Variants in CSK observed in about 807,000 individuals in gnomAD.
CSK encodes C-terminal Src kinase, also known as tyrosine-protein kinase CSK.
A neutral mutation model predicts 62.3 loss-of-function variants in CSK; 7 were observed. That is an observed-to-expected ratio of 0.11 (90% CI 0.06 to 0.21). The LOEUF (loss-of-function observed/expected upper bound fraction) is 0.21. Ranked by LOEUF, CSK falls within the 10% of genes least tolerant of loss-of-function variation. The probability of loss-of-function intolerance (pLI) is 1.00; values close to 1 mark genes in which losing one functional copy is unlikely to be tolerated. For synonymous variants in CSK, 237 were observed against 246.0 expected, an observed-to-expected ratio of 0.96 and a Z score of 0.34; for missense variants, 294 against 613.5, an observed-to-expected ratio of 0.48 and a Z score of 5.50.
Position 74,798,513 on chromosome 15 carries a change from G to T in CSK, c.16-102G>T. ...TTCTCCGGGCAGAGCACCTCACCCA[G>T]GCTCACAGAGGCCAGCTCAGAGGCT... On this transcript the variant is annotated intron_variant, in intron 2 of 12. Coordinates refer to ENST00000220003, the MANE Select transcript of CSK (RefSeq NM_004383.3). This position sits in a 1 kb window ranked among gnomAD's most constrained non-coding sequence, Gnocchi z 6.6. 1 of 1,278,238 alleles carries T rather than the reference G, an allele frequency of 7.8e-7. No homozygotes were observed. Among genetic ancestry groups the T allele is most frequent in the South Asian group, 1.3e-5 (1 of 79,654 alleles). 79.2% of individuals were successfully genotyped at this position (1,278,238 alleles called of 1,614,324 possible).
chr15:74,800,839 T>A lies in CSK; in HGVS notation c.639T>A (p.Asp213Glu), dbSNP rs775362844. The A allele has an allele frequency of 6.2e-7, 1 of 1,613,144 alleles. No individual in the cohort carries two copies. The highest frequency in any genetic ancestry group is 8.5e-7 in the Non-Finnish European group (1 of 1,179,792). ...KGEFGDVMLG[D>E]YRGNKVAVKC... ...TGCCCCCAGACGTGATGCTGGGCGA[T>A]TACCGAGGGAACAAAGTCGCCGTCA... The change falls in exon 8 of 13, where the codon GAT (aspartate) becomes GAA (glutamate). Residue 213 changes from aspartate to glutamate, a missense_variant. Transcript: ENST00000220003.
rs1232728038 is a variant in CSK, at chr15:74,786,000, C to CTTTTTTTTTTTTTTTTTTTTTT, written c.-66+3281_-66+3282insTTTTTTTTTTTTTTTTTTTTTT. 6.0e-4 allele frequency among the ~76,000 whole-genome samples: 36 copies of CTTTTTTTTTTTTTTTTTTTTTT among 59,936 alleles called. 10 individuals are homozygous for CTTTTTTTTTTTTTTTTTTTTTT. Among genetic ancestry groups the CTTTTTTTTTTTTTTTTTTTTTT allele is most frequent in the Non-Finnish European group, 9.1e-4 (25 of 27,464 alleles). The allele number at this position is 59,936 out of a possible 152,430, so 39.3% of individuals were successfully genotyped here. On this transcript the variant is annotated intron_variant, in intron 1 of 12. Coordinates refer to ENST00000220003, the MANE Select transcript of CSK (RefSeq NM_004383.3). ...CAAGGCCTCTTCTCTCTCTCTCTCT[C>CTTTTTTTTTTTTTTTTTTTTTT]TCTTTTTTTTTTTTGTGTGTGTGTG...
chr15:74,783,302 G>C (rs1359841482), intron 1 of CSK, among the ~76,000 whole-genome samples: 1 of 152,240 alleles, frequency 6.6e-6, no homozygotes, highest in African/African-American at 2.4e-5. Flanking sequence ...CTTCTGCCCG[G>C]GGGGAGGTAA....
chr15:74,788,194 C>T (rs1024411476), intron 1 of CSK, among the ~76,000 whole-genome samples: 3 of 152,166 alleles, frequency 2.0e-5, no homozygotes, highest in Admixed American at 6.5e-5. Context: ...TCTGTGTGTC[C>T]CTCGACAGGC....
chr15:74,783,792 C>A (rs1470949044), intron 1 of CSK, among the ~76,000 whole-genome samples: 1 of 152,188 alleles, frequency 6.6e-6, no homozygotes, highest in East Asian at 1.9e-4. Context: ...CCGGTCCTGG[C>A]CCCGGCTCTG....
chr15:74,798,624 C>T lies in CSK; in HGVS notation c.25C>T (p.Pro9Ser), dbSNP rs779667521. ...GTCACCTGCCTTGCAGGCCGCCTGG[C>T]CATCCGGTACAGAATGTATTGCCAA... MSAIQAAW[P>S]SGTECIAKYN... is the part of the protein sequence containing the mutation. The change falls in exon 3 of 13, where the codon CCA becomes TCA. Residue 9 changes from proline (P) to serine (S), a missense_variant. Transcript: ENST00000220003. The surrounding 1 kb of genome is among the most constrained non-coding windows in gnomAD (Gnocchi z 6.6). 6 of 1,613,312 alleles carry T rather than the reference C, an allele frequency of 3.7e-6. No individual in the cohort carries two copies. The highest frequency in any genetic ancestry group is 5.1e-6 in the Non-Finnish European group (6 of 1,179,990).
chr15:74,786,010 T>TG lies in CSK; in HGVS notation c.-66+3290_-66+3291insG. On this transcript the variant is annotated intron_variant, in intron 1 of 12. Coordinates refer to ENST00000220003, the MANE Select transcript of CSK (RefSeq NM_004383.3). ...TCTCTCTCTCTCTCTCTCTTTTTTT[T>TG]TTTTGTGTGTGTGTGTGTGTGTGTG... is the stretch of plus-strand genomic sequence containing the variant. Among the ~76,000 whole-genome samples the TG allele has an allele frequency of 4.2e-5, 5 of 120,324 alleles. 1 individual carries two copies. The highest frequency in any genetic ancestry group is 9.0e-5 in the Non-Finnish European group (5 of 55,404). The allele number at this position is 120,324 out of a possible 152,430, so 78.9% of individuals were successfully genotyped here.
intron 1 of CSK, among the ~76,000 whole-genome samples, chr15:74,783,613 A>C (rs971187905): frequency 6.6e-6 from 1 of 152,200 alleles, no homozygotes; most frequent in South Asian, 2.1e-4. Context: ...CACTGGGGAC[A>C]CAGGCCCCCA....
chr15:74,800,604 C>G (rs1210609737), intron 6 of CSK, 77 bp from the exon 7 acceptor site: 3 of 1,543,444 alleles, frequency 1.9e-6, no homozygotes, highest in Non-Finnish European at 1.8e-6. Context: ...ACCCCAGTGC[C>G]TGATAGTCCA....
intron 12 of CSK, 43 bp downstream of exon 12, chr15:74,802,126 G>A (rs1356088051): frequency 1.9e-6 from 3 of 1,595,000 alleles, no homozygotes; most frequent in Non-Finnish European, 2.6e-6. Context: ...TGGAGCACCG[G>A]AGGGGTTGGC....
chr15:74,783,784 G>A (rs1301674730), intron 1 of CSK, among the ~76,000 whole-genome samples: 3 of 152,188 alleles, frequency 2.0e-5, no homozygotes, highest in Non-Finnish European at 2.9e-5. Flanking sequence ...AGGAAGGTCC[G>A]GTCCTGGCCC....
intron 1 of CSK, among the ~76,000 whole-genome samples, chr15:74,783,573 G>A (rs1238091738): frequency 6.6e-6 from 1 of 152,228 alleles, no homozygotes; most frequent in African/African-American, 2.4e-5. Context: ...ATGGCTGTGG[G>A]TGGAAGGAAA....
chr15:74,787,287 G>A (rs1383531950), intron 1 of CSK, among the ~76,000 whole-genome samples: 1 of 152,234 alleles, frequency 6.6e-6, no homozygotes, highest in Non-Finnish European at 1.5e-5. Context: ...GGAGAAGTGA[G>A]CAGGGAGAGG....
chr15:74,794,550 T>C (rs376242738), intron 1 of CSK, among the ~76,000 whole-genome samples: 3 of 152,220 alleles, frequency 2.0e-5, no homozygotes, highest in Admixed American at 6.5e-5. Context: ...GAAAGGGCCC[T>C]GTATTCTGGG....
At position 74,798,604 on chromosome 15, in the gene CSK, C is replaced by CTGCCT. The variant is rs748909623; in HGVS notation, c.16-7_16-3dup. ...CAGGCTGCACCCGCCCACGTGTCAC[C>CTGCCT]TGCCTTGCAGGCCGCCTGGCCATCC... On this transcript the variant is annotated splice_polypyrimidine_tract_variant and intron_variant, in intron 2 of 12. Transcript: ENST00000220003. The surrounding 1 kb of genome is among the most constrained non-coding windows in gnomAD (Gnocchi z 6.6). 1 of 1,612,220 alleles carries CTGCCT rather than the reference C, an allele frequency of 6.2e-7. No homozygotes were observed. The highest frequency in any genetic ancestry group is 1.1e-5 in the South Asian group (1 of 90,984).
intron 1 of CSK, among the ~76,000 whole-genome samples, chr15:74,791,163 C>T (rs923329349): frequency 4.0e-4 from 61 of 152,282 alleles, no homozygotes; most frequent in African/African-American, 1.3e-3. Flanking sequence ...CAAAGATAAT[C>T]GAGGCATATT....
chr15:74,784,621 C>T (rs1485232608), intron 1 of CSK, among the ~76,000 whole-genome samples: 6 of 152,112 alleles, frequency 3.9e-5, no homozygotes, highest in East Asian at 1.9e-4. Context: ...CATTCACCAC[C>T]GCAGGGGGGC....
intron 12 of CSK, 101 bp from the exon 13 acceptor site, chr15:74,802,230 G>A (rs2063803645): frequency 9.1e-6 from 13 of 1,423,880 alleles, no homozygotes; most frequent in Non-Finnish European, 1.1e-5. Flanking sequence ...CTCCGGGCCT[G>A]GGTCTGCGGC....
intron 1 of CSK, among the ~76,000 whole-genome samples, chr15:74,785,013 C>T (rs568420743): frequency 2.0e-5 from 3 of 152,232 alleles, no homozygotes; most frequent in African/African-American, 7.2e-5. Context: ...AATCTGAGCT[C>T]ATTATAGGGA....
Sources: gnomAD v4.1 joint callset for allele counts (sites outside exome capture counted in the v4.1 genomes callset) on GRCh38, gnomAD v4.1.1 for gene constraint, Gnocchi (gnomAD v3.1) non-coding constraint, MANE v1.5 for transcripts, NCBI Gene and HGNC (gene_info 2026-07-23, HGNC 2026-07-21) for gene names.